The following ARNT2 variants were observed in gnomAD, a reference collection of about 807,000 sequenced individuals.
ARNT2 encodes ARNT protein 2.
ARNT2 carries 36 observed loss-of-function variants against 91.7 expected under a neutral mutation model. The observed-to-expected ratio is 0.39, with a 90% confidence interval of 0.30 to 0.52. ARNT2 has a LOEUF of 0.52. Among genes scored for constraint, ARNT2 ranks in the 20% least tolerant of loss-of-function variants. The pLI, the probability that ARNT2 is intolerant of heterozygous loss-of-function variation, is 0.72. For missense variants in ARNT2, 775 were observed against 939.3 expected (o/e 0.83, Z 2.29); for synonymous variants, 365 against 347.1 (o/e 1.05, Z -0.57).
intron 1 of ARNT2, among the ~76,000 whole-genome samples, chr15:80,421,982 G>T (rs1025489050): frequency 2.6e-5 from 4 of 152,168 alleles, no homozygotes; most frequent in African/African-American, 7.2e-5. Context: ...GATGAATAGA[G>T]AATTAATGAC....
intron 8 of ARNT2, among the ~76,000 whole-genome samples, chr15:80,547,044 AGATGAGG>A (rs1898002050): frequency 6.6e-6 from 1 of 152,154 alleles, no homozygotes; most frequent in Non-Finnish European, 1.5e-5. Flanking sequence ...AAAAGAGACA[AGATGAGG>A]TATAAAACTC....
intron 8 of ARNT2, among the ~76,000 whole-genome samples, chr15:80,541,175 A>G (rs145567092): frequency 2.4e-4 from 37 of 152,066 alleles, no homozygotes; most frequent in African/African-American, 8.7e-4. Flanking sequence ...TTTTAATAAT[A>G]CCCATTCTGA....
At chr15:80,415,483 A>C (rs1488730683) in intron 1 of ARNT2, among the ~76,000 whole-genome samples, 1 of 152,166 alleles carries the variant, frequency 6.6e-6, no homozygotes, top group Non-Finnish European at 1.5e-5. Flanking sequence ...ACAGGAGGCC[A>C]TTGAAGTGTG....
chr15:80,441,263 A>T (rs1279519947), intron 1 of ARNT2: 19 of 985,220 alleles, frequency 1.9e-5, no homozygotes, highest in Non-Finnish European at 2.3e-5. Flanking sequence ...CAGAATACAA[A>T]TGCAGCTACA....
At chr15:80,418,810 A>G (rs944239251) in intron 1 of ARNT2, among the ~76,000 whole-genome samples, 1 of 152,188 alleles carries the variant, frequency 6.6e-6, no homozygotes, top group Non-Finnish European at 1.5e-5. Context: ...GTTTTGTACA[A>G]CACTTTATGG....
chr15:80,430,011 A>G (rs1396867045), intron 1 of ARNT2, among the ~76,000 whole-genome samples: 2 of 152,126 alleles, frequency 1.3e-5, no homozygotes, highest in Admixed American at 6.5e-5. Flanking sequence ...GCAGCAGGGC[A>G]GCCTGGGGAT....
chr15:80,534,055 G>C (rs1265687751), intron 8 of ARNT2, among the ~76,000 whole-genome samples: 1 of 152,260 alleles, frequency 6.6e-6, no homozygotes, highest in Non-Finnish European at 1.5e-5. Flanking sequence ...GGCAAAGGAA[G>C]ATGCTTTTTC....
intron 8 of ARNT2, among the ~76,000 whole-genome samples, chr15:80,522,133 T>A (rs1329416646): frequency 6.6e-6 from 1 of 152,198 alleles, no homozygotes. Flanking sequence ...TTCTTAAATG[T>A]AAATAATAAT....
intron 1 of ARNT2, among the ~76,000 whole-genome samples, chr15:80,448,712 G>A (rs150710768): frequency 0.011 from 1,656 of 152,272 alleles, 30 homozygotes; most frequent in African/African-American, 0.037. Flanking sequence ...GGCCTGGCGC[G>A]GTGGCTAACG....
intron 1 of ARNT2, among the ~76,000 whole-genome samples, chr15:80,421,768 C>A (rs1164392938): frequency 6.6e-6 from 1 of 152,172 alleles, no homozygotes; most frequent in Non-Finnish European, 1.5e-5. Flanking sequence ...GGGCCTTATG[C>A]AGCTCAGGAA....
chr15:80,543,897 T>A (rs1021093203), intron 8 of ARNT2, among the ~76,000 whole-genome samples: 1 of 152,030 alleles, frequency 6.6e-6, no homozygotes, highest in African/African-American at 2.4e-5. Context: ...CGTGCCACCA[T>A]GCCCGGCTAA....
intron 1 of ARNT2, among the ~76,000 whole-genome samples, chr15:80,431,619 G>A (rs149697953): frequency 6.6e-6 from 1 of 152,298 alleles, no homozygotes; most frequent in African/African-American, 2.4e-5. Flanking sequence ...TTACAGACAG[G>A]CCCACCTTCC....
chr15:80,452,200 A>G (rs1462986348), intron 2 of ARNT2, among the ~76,000 whole-genome samples: 1 of 152,184 alleles, frequency 6.6e-6, no homozygotes, highest in Non-Finnish European at 1.5e-5. Context: ...GATTTTTATG[A>G]TGAGGGAGAG....
intron 5 of ARNT2, among the ~76,000 whole-genome samples, chr15:80,476,192 G>A (rs191790368): frequency 1.1e-4 from 17 of 152,318 alleles, no homozygotes; most frequent in Admixed American, 4.6e-4. Context: ...ATGTTATTGC[G>A]AAATGGTAGG....
chr15:80,517,909 A>C (rs1273914529), intron 8 of ARNT2, among the ~76,000 whole-genome samples: 1 of 152,076 alleles, frequency 6.6e-6, no homozygotes, highest in Non-Finnish European at 1.5e-5. Context: ...CATATTGTCT[A>C]CGTTTTCCAT....
intron 13 of ARNT2, among the ~76,000 whole-genome samples, chr15:80,574,475 T>C (rs771404640): frequency 3.9e-5 from 6 of 152,186 alleles, no homozygotes; most frequent in Non-Finnish European, 8.8e-5. Context: ...TGAGGGACAT[T>C]TCTGAGGACC....
intron 6 of ARNT2, among the ~76,000 whole-genome samples, chr15:80,511,964 T>C (rs59433106): frequency 0.51 from 77,824 of 152,038 alleles, 21,124 homozygotes; most frequent in African/African-American, 0.67. Context: ...AGATATGGCA[T>C]GTAGGATATA....
intron 2 of ARNT2, among the ~76,000 whole-genome samples, chr15:80,456,727 T>C (rs987250354): frequency 6.6e-6 from 1 of 152,108 alleles, no homozygotes; most frequent in African/African-American, 2.4e-5. Flanking sequence ...AGTCACTCAT[T>C]AGCCACTGAA....
At chr15:80,414,752 C>A (rs1331373050) in intron 1 of ARNT2, among the ~76,000 whole-genome samples, 1 of 146,320 alleles carries the variant, frequency 6.8e-6, no homozygotes, top group African/African-American at 2.6e-5. Context: ...AGGATCACAG[C>A]TGTGTTCTCT....
Sources: allele counts gnomAD v4.1 joint callset (sites outside exome capture counted in the v4.1 genomes callset), GRCh38; gene constraint gnomAD v4.1.1; transcripts MANE v1.5; gene names NCBI Gene and HGNC (gene_info 2026-07-23, HGNC 2026-07-21).